ST3GAL1: variants seen among roughly 807,000 people sequenced by gnomAD.
ST3GAL1 encodes CMP-N-acetylneuraminate-beta-galactosamide-alpha-2,3-sialyltransferase 1.
ST3GAL1 carries 16 observed loss-of-function variants against 34.1 expected under a neutral mutation model. That is an observed-to-expected ratio of 0.47 (90% confidence interval 0.32 to 0.71). The LOEUF is 0.71. Among genes scored for constraint, ST3GAL1 ranks in the 30% least tolerant of loss-of-function variants. ST3GAL1 has a pLI of 0.04. For synonymous variants in ST3GAL1, 191 were observed against 184.7 expected, an observed-to-expected ratio of 1.03 and a Z score of -0.28; for missense variants, 353 against 447.4, an observed-to-expected ratio of 0.79 and a Z score of 1.90.
intron 3 of ST3GAL1, among the ~76,000 whole-genome samples, chr8:133,479,824 T>C (rs1310427080): frequency 1.3e-5 from 2 of 152,140 alleles, no homozygotes; most frequent in Non-Finnish European, 2.9e-5. Context: ...TGAGCTGGTA[T>C]CATTTAGCGC....
chr8:133,512,572 A>G (rs373440789), intron 2 of ST3GAL1, among the ~76,000 whole-genome samples: 2 of 152,048 alleles, frequency 1.3e-5, no homozygotes, highest in African/African-American at 4.8e-5. Flanking sequence ...TAAGCATCAC[A>G]CATACCATCA....
chr8:133,570,073 C>T lies in ST3GAL1; in HGVS notation c.-582+1620G>A, dbSNP rs1460701904. ...GTTAGCACCTACGACGTGCCAGGCG[C>T]CCTGGCGACTATTGGAAAACCCGGC... On this transcript the variant is annotated intron_variant, in intron 1 of 9. Coordinates refer to ENST00000522652, the MANE Select transcript of ST3GAL1 (RefSeq NM_173344.3). This position sits in a 1 kb window ranked among gnomAD's most constrained non-coding sequence, Gnocchi z 5.6. 1 of 152,338 alleles carries T rather than the reference C, an allele frequency of 6.6e-6. No individual in the cohort carries two copies. Among genetic ancestry groups the T allele is most frequent in the African/African-American group, 2.4e-5 (1 of 41,474 alleles). The allele number at this position is 152,338 out of a possible 1,614,324, so 9.4% of individuals were successfully genotyped here.
At chr8:133,504,960 T>C (rs373846117) in intron 2 of ST3GAL1, among the ~76,000 whole-genome samples, 2 of 151,908 alleles carry the variant, frequency 1.3e-5, no homozygotes, top group East Asian at 1.9e-4. Context: ...GTTCAGGAAG[T>C]TGGGTGAGAG....
intron 1 of ST3GAL1, among the ~76,000 whole-genome samples, chr8:133,561,779 C>T (rs996413909): frequency 6.6e-6 from 1 of 152,118 alleles, no homozygotes; most frequent in Non-Finnish European, 1.5e-5. Context: ...TCTGCCATTT[C>T]CCAGACACTC....
intron 1 of ST3GAL1, among the ~76,000 whole-genome samples, chr8:133,567,696 C>T (rs1035469957): frequency 1.3e-5 from 2 of 152,110 alleles, no homozygotes; most frequent in Admixed American, 6.5e-5. Flanking sequence ...CTTTGCCAAG[C>T]GGGTGTGGGC....
At chr8:133,541,306 G>A (rs1818523118) in intron 2 of ST3GAL1, among the ~76,000 whole-genome samples, 2 of 151,762 alleles carry the variant, frequency 1.3e-5, no homozygotes, top group Admixed American at 6.6e-5. Flanking sequence ...GGGAGCTGGA[G>A]ACACAAATGT....
intron 2 of ST3GAL1, among the ~76,000 whole-genome samples, chr8:133,510,826 G>A (rs1259143042): frequency 2.6e-5 from 4 of 152,148 alleles, no homozygotes; most frequent in African/African-American, 7.2e-5. Context: ...GTACCCCATG[G>A]TGGCCACCAT....
intron 2 of ST3GAL1, among the ~76,000 whole-genome samples, chr8:133,530,438 C>G (rs28416133): frequency 1.3e-5 from 2 of 152,092 alleles, no homozygotes; most frequent in African/African-American, 4.8e-5. Flanking sequence ...TGTGCCACCA[C>G]GCTGAGTTAA....
intron 3 of ST3GAL1, among the ~76,000 whole-genome samples, chr8:133,493,043 C>T (rs1200518236): frequency 6.6e-6 from 1 of 151,326 alleles, no homozygotes; most frequent in East Asian, 1.9e-4. Flanking sequence ...CAGCTCTGTC[C>T]CAGCTCTGTC....
chr8:133,495,784 G>A (rs1450923242), intron 3 of ST3GAL1, among the ~76,000 whole-genome samples: 1 of 152,220 alleles, frequency 6.6e-6, no homozygotes, highest in Non-Finnish European at 1.5e-5. Flanking sequence ...CGTTCTGCCT[G>A]CTCGTCATGA....
At chr8:133,547,390 T>G (rs1409576678) in intron 1 of ST3GAL1, among the ~76,000 whole-genome samples, 2 of 152,104 alleles carry the variant, frequency 1.3e-5, no homozygotes, top group Non-Finnish European at 2.9e-5. Flanking sequence ...CCTCTAAGCC[T>G]CCTGAGTAGC....
chr8:133,557,554 G>C (rs554221847), intron 1 of ST3GAL1, among the ~76,000 whole-genome samples: 1 of 152,014 alleles, frequency 6.6e-6, no homozygotes, highest in African/African-American at 2.4e-5. Flanking sequence ...CTGTCCTCTC[G>C]GCTGTAAAAT....
rs191491682 is a variant in ST3GAL1, at chr8:133,461,021, G to C, written c.849+854C>G. Among the ~76,000 whole-genome samples, 601 of 152,230 alleles carry C rather than the reference G, an allele frequency of 3.9e-3. 3 individuals are homozygous for C. The highest frequency in any genetic ancestry group is 0.014 in the African/African-American group (579 of 41,544). ...AAATCGGTGGGACGATGGGAGAAAG[G>C]GCTCTTGAGCAGAACCTCAAGCAAG... On this transcript the variant is annotated intron_variant, in intron 9 of 9. Transcript: ENST00000522652. This position sits in a 1 kb window ranked among gnomAD's most constrained non-coding sequence, Gnocchi z 4.7.
chr8:133,550,667 G>C (rs1437483188), intron 1 of ST3GAL1, among the ~76,000 whole-genome samples: 1 of 152,188 alleles, frequency 6.6e-6, no homozygotes, highest in Non-Finnish European at 1.5e-5. Context: ...TAAACCAAGA[G>C]ACTCGGAAGC....
chr8:133,509,224 C>T (rs1817436194), intron 2 of ST3GAL1, among the ~76,000 whole-genome samples: 1 of 152,240 alleles, frequency 6.6e-6, no homozygotes, highest in Non-Finnish European at 1.5e-5. Flanking sequence ...TCCTCAGTGT[C>T]ACCAGCCAAA....
intron 1 of ST3GAL1, among the ~76,000 whole-genome samples, chr8:133,554,424 A>T (rs1043767145): frequency 1.3e-5 from 2 of 152,138 alleles, no homozygotes; most frequent in African/African-American, 4.8e-5. Flanking sequence ...TACACTCGAC[A>T]GTGGGATGTA....
rs146784277 is a variant in ST3GAL1 at position 133,560,016 on chromosome 8, G to C, written c.-582+11677C>G. 6.8e-3 allele frequency among the ~76,000 whole-genome samples: 1,043 copies of C among 152,332 alleles called. 9 individuals are homozygous for C. The highest frequency in any genetic ancestry group is 0.024 in the African/African-American group (986 of 41,564). ...AGCAGTTAAAGGAAACAAAATTACA[G>C]ATAGGAGGAATAGGTTCTAGTGTTC... On this transcript the variant is annotated intron_variant, in intron 1 of 9. Coordinates refer to ENST00000522652, the MANE Select transcript of ST3GAL1 (RefSeq NM_173344.3).
chr8:133,531,814 G>GAAAAAAAA (rs55909710), intron 2 of ST3GAL1, among the ~76,000 whole-genome samples: 13 of 99,874 alleles, frequency 1.3e-4, no homozygotes, highest in Non-Finnish European at 2.1e-4. Context: ...CTTAAAAACA[G>GAAAAAAAA]AAAAAAAAAA....
rs892974442 is a variant in ST3GAL1, at chr8:133,461,600, A to G, written c.849+275T>C. On this transcript the variant is annotated intron_variant, in intron 9 of 9. Transcript: ENST00000522652. The surrounding 1 kb of genome is among the most constrained non-coding windows in gnomAD (Gnocchi z 4.7). Reference sequence around the variant, plus strand: ...ATGAGAATCCGCTTCTGTATCCGGAATCTGCTGCGAGATCCGAGCTTCCAC... The same window carrying G: ...ATGAGAATCCGCTTCTGTATCCGGAGTCTGCTGCGAGATCCGAGCTTCCAC... Among the ~76,000 whole-genome samples the G allele has an allele frequency of 6.6e-6, 1 of 152,140 alleles. No individual in the cohort carries two copies. The highest frequency in any genetic ancestry group is 1.5e-5 in the Non-Finnish European group (1 of 68,016).
Sources: allele counts gnomAD v4.1 joint callset (sites outside exome capture counted in the v4.1 genomes callset), GRCh38; gene constraint gnomAD v4.1.1; non-coding constraint Gnocchi (gnomAD v3.1); transcripts MANE v1.5; gene names NCBI Gene and HGNC (gene_info 2026-07-23, HGNC 2026-07-21).